Variants in GSAP observed in about 807,000 individuals in gnomAD.
GSAP encodes gamma-secretase activating protein.
GSAP carries 118 observed loss-of-function variants against 131.7 expected under a neutral mutation model. The observed-to-expected ratio is 0.90, with a 90% CI of 0.77 to 1.04. GSAP has a LOEUF of 1.04. Among genes scored for constraint, GSAP ranks in the 50% least tolerant of loss-of-function variants. The probability of loss-of-function intolerance (pLI) is 0.00; values close to 1 mark genes in which losing one functional copy is unlikely to be tolerated. For synonymous variants in GSAP, 381 were observed against 363.4 expected, an observed-to-expected ratio of 1.05 and a Z score of -0.55; for missense variants, 1,019 against 1,013.2, an observed-to-expected ratio of 1.01 and a Z score of -0.08.
intron 12 of GSAP, among the ~76,000 whole-genome samples, chr7:77,370,432 A>T (rs1370343229): frequency 6.6e-6 from 1 of 152,110 alleles, no homozygotes. Context: ...TTGCACTCCA[A>T]CCTAGGCAAC....
intron 8 of GSAP, among the ~76,000 whole-genome samples, chr7:77,380,826 G>A (rs1424806539): frequency 6.6e-6 from 1 of 152,082 alleles, no homozygotes; most frequent in Non-Finnish European, 1.5e-5. Flanking sequence ...ATGATCCCAT[G>A]ATATGCATAT....
intron 19 of GSAP, among the ~76,000 whole-genome samples, chr7:77,333,815 T>TGGAGG (rs1388441262): frequency 1.3e-5 from 2 of 151,656 alleles, no homozygotes; most frequent in African/African-American, 2.4e-5. Flanking sequence ...TAACCCAGAA[T>TGGAGG]GGAGGGGAGG....
chr7:77,312,415 G>A (rs372772105), intron 28 of GSAP, among the ~76,000 whole-genome samples: 14 of 152,224 alleles, frequency 9.2e-5, no homozygotes, highest in African/African-American at 3.4e-4. Flanking sequence ...TGAGGAAAGT[G>A]GTTTATACAC....
intron 5 of GSAP, among the ~76,000 whole-genome samples, chr7:77,391,125 C>CAAAAAAAAAAA (rs3083869): frequency 1.7e-4 from 11 of 65,104 alleles, no homozygotes; most frequent in African/African-American, 4.1e-4. Flanking sequence ...GGCTCCGTCT[C>CAAAAAAAAAAA]AAAAAAAAAA....
chr7:77,412,482 A>G (rs553148256), intron 1 of GSAP, among the ~76,000 whole-genome samples: 78 of 152,250 alleles, frequency 5.1e-4, no homozygotes, highest in African/African-American at 1.8e-3. Flanking sequence ...AAAGGAACAA[A>G]CTATAAAGAA....
intron 6 of GSAP, among the ~76,000 whole-genome samples, chr7:77,386,402 G>A (rs1003621378): frequency 1.3e-5 from 2 of 152,140 alleles, no homozygotes; most frequent in Admixed American, 1.3e-4. Context: ...GGATTATGGT[G>A]TTCAGGATTG....
In GSAP at chr7:77,321,410, G is replaced by A; in HGVS notation, c.1924-7C>T. ...TGTGGCAAATGAGATCCAGCTGGAG[G>A]GTGAAGACAGTCCATTAACCATTGC... On this transcript the variant is annotated splice_region_variant and splice_polypyrimidine_tract_variant and intron_variant, in intron 24 of 30. Coordinates refer to ENST00000257626, the MANE Select transcript of GSAP (RefSeq NM_017439.4). 6.3e-7 allele frequency: 1 copy of A among 1,579,384 alleles called. No homozygotes were observed. The highest frequency in any genetic ancestry group is 8.7e-7 in the Non-Finnish European group (1 of 1,148,530).
At chr7:77,416,076 G>C (rs754989659) in intron 1 of GSAP, 137 bp downstream of exon 1, 1 of 512,816 alleles carries the variant, frequency 2.0e-6, no homozygotes, top group East Asian at 3.5e-5. Context: ...AGCCCTCTGA[G>C]GAGGGGAGCG....
intron 8 of GSAP, among the ~76,000 whole-genome samples, chr7:77,379,535 A>G (rs914662851): frequency 2.6e-5 from 4 of 152,096 alleles, no homozygotes; most frequent in Non-Finnish European, 4.4e-5. Context: ...GGCTGCTGAC[A>G]GGTGTCCCCA....
intron 19 of GSAP, among the ~76,000 whole-genome samples, chr7:77,339,728 C>G (rs979919050): frequency 6.7e-6 from 1 of 148,264 alleles, no homozygotes. Flanking sequence ...CACCCACACA[C>G]AGAAAACAAA....
At position 77,374,070 on chromosome 7, in the gene GSAP, C is replaced by T; in HGVS notation, c.871G>A (p.Gly291Arg). 1.3e-6 allele frequency: 2 copies of T among 1,501,270 alleles called. No homozygotes were observed. Among genetic ancestry groups the T allele is most frequent in the Non-Finnish European group, 1.8e-6 (2 of 1,083,344 alleles). 93.0% of individuals were successfully genotyped at this position (1,501,270 alleles called of 1,614,324 possible). The change falls in exon 12 of 31, where the codon GGA (glycine) becomes AGA (arginine). Residue 291 changes from glycine to arginine, a missense_variant and splice_region_variant. By Grantham distance (125) the Gly-to-Arg change is moderately radical. Coordinates refer to ENST00000257626, the MANE Select transcript of GSAP (RefSeq NM_017439.4). ...ATTGATAAATACAACCCTAGTTTACCTGTATGGTTGGTAAAAACACACAGA... is the reference window on the plus strand; with the variant it reads ...ATTGATAAATACAACCCTAGTTTACTTGTATGGTTGGTAAAAACACACAGA... ...LTLCVFTNHT[G>R]SLCVCYSPKC... is the part of the protein sequence containing the mutation.
chr7:77,408,863 A>C (rs746009304), intron 1 of GSAP, among the ~76,000 whole-genome samples: 4 of 152,096 alleles, frequency 2.6e-5, no homozygotes, highest in Admixed American at 6.6e-5. Flanking sequence ...GTATTCCTAA[A>C]AGGAAAAGAC....
chr7:77,321,204 G>T, intron 25 of GSAP, 129 bp downstream of exon 25: 1 of 673,690 alleles, frequency 1.5e-6, no homozygotes. Context: ...GCTGAGTATA[G>T]AATTAAGCTA....
intron 12 of GSAP, among the ~76,000 whole-genome samples, chr7:77,368,181 T>G (rs978123609): frequency 6.6e-6 from 1 of 152,174 alleles, no homozygotes; most frequent in Non-Finnish European, 1.5e-5. Flanking sequence ...GTGTCACTCC[T>G]AGGTGGGCTG....
chr7:77,377,258 A>T, intron 9 of GSAP, 28 bp downstream of exon 9: 7 of 1,400,708 alleles, frequency 5.0e-6, no homozygotes, highest in South Asian at 1.8e-5. Context: ...AAAAAAAAAA[A>T]GGAGTGCCCG....
Position 77,374,136 on chromosome 7 carries a change from C to T in GSAP, c.805G>A (p.Asp269Asn), listed in dbSNP as rs750153685. The change falls in exon 12 of 31, where the codon GAT becomes AAT. Residue 269 changes from aspartate to asparagine, a missense_variant. Asp to Asn is a conservative substitution (Grantham distance 23). Coordinates refer to ENST00000257626, the MANE Select transcript of GSAP (RefSeq NM_017439.4). Reference sequence around the variant, plus strand: ...AATTTATCTCGGTATTGATGATAATCACATCCAAAGTTGACAAGTCTAAGA... The same window carrying T: ...AATTTATCTCGGTATTGATGATAATTACATCCAAAGTTGACAAGTCTAAGA... The part of the protein sequence containing the change: ...SGFKLVNFGC[D>N]YHQYRDKFSK... 1 of 1,581,412 alleles carries T rather than the reference C, an allele frequency of 6.3e-7. No individual in the cohort carries two copies. The highest frequency in any genetic ancestry group is 1.1e-5 in the South Asian group (1 of 88,710).
At chr7:77,330,576 T>C in intron 19 of GSAP, 22 of 916,114 alleles carry the variant, frequency 2.4e-5, no homozygotes, top group South Asian at 8.8e-5. Context: ...TCTGTCTCTT[T>C]TTTTTTTTTT....
chr7:77,399,151 T>G (rs1800910782), intron 3 of GSAP, among the ~76,000 whole-genome samples: 1 of 152,130 alleles, frequency 6.6e-6, no homozygotes, highest in Non-Finnish European at 1.5e-5. Context: ...AACCTCAAAG[T>G]GGAATTTCTA....
intron 22 of GSAP, among the ~76,000 whole-genome samples, chr7:77,327,930 A>G (rs947007597): frequency 2.0e-5 from 3 of 152,184 alleles, no homozygotes; most frequent in African/African-American, 7.2e-5. Context: ...TTCTTTACAC[A>G]CTAAGGAATA....
Sources: allele counts gnomAD v4.1 joint callset (sites outside exome capture counted in the v4.1 genomes callset), GRCh38; gene constraint gnomAD v4.1.1; transcripts MANE v1.5; gene names NCBI Gene and HGNC (gene_info 2026-07-23, HGNC 2026-07-21).